Variants in ACSS3 observed in about 807,000 individuals in gnomAD.
ACSS3 encodes the protein acyl-CoA synthetase short chain family member 3.
Under a neutral mutation model 84.2 loss-of-function variants are expected in ACSS3, and 64 were observed. That is an observed-to-expected ratio of 0.76 (90% confidence interval 0.62 to 0.94). The LOEUF is 0.94. Ranked by LOEUF, ACSS3 falls within the 40% of genes least tolerant of loss-of-function variation. The probability of loss-of-function intolerance (pLI) is 0.00; values close to 1 mark genes in which losing one functional copy is unlikely to be tolerated. For missense variants in ACSS3, 815 were observed against 867.6 expected (o/e 0.94, Z 0.76); for synonymous variants, 317 against 310.1 (o/e 1.02, Z -0.23).
intron 13 of ACSS3, among the ~76,000 whole-genome samples, chr12:81,251,183 A>T (rs2034139165): frequency 6.6e-6 from 1 of 152,162 alleles, no homozygotes; most frequent in Admixed American, 6.5e-5. Context: ...AAGGACCTTG[A>T]AGACAATATA....
At position 81,258,582 on chromosome 12, in the gene ACSS3, C is replaced by T. The variant is rs906089331; in HGVS notation, c.*3660C>T. ...GATTACTCTTCTATACTTTTATACA[C>T]TATATATGTTAATCATTCTGTCTTT... On this transcript the variant is annotated 3_prime_UTR_variant, in exon 16 of 16. Coordinates refer to ENST00000548058, the MANE Select transcript of ACSS3 (RefSeq NM_024560.4). 8.5e-5 allele frequency: 13 copies of T among 152,238 alleles called. No homozygotes were observed. The highest frequency in any genetic ancestry group is 3.1e-4 in the African/African-American group (13 of 41,536). The allele number at this position is 152,238 out of a possible 1,614,324, so 9.4% of individuals were successfully genotyped here. A position where few individuals can be genotyped will look rare whatever the true frequency, so the allele number is the denominator to read the frequency against.
chr12:81,098,216 G>A (rs1882223411), intron 1 of ACSS3, among the ~76,000 whole-genome samples: 1 of 150,516 alleles, frequency 6.6e-6, no homozygotes, highest in Non-Finnish European at 1.5e-5. Flanking sequence ...GTCCTGTCTG[G>A]GGCTGGTTCC....
At chr12:81,248,256 C>A (rs2034044885) in intron 13 of ACSS3, among the ~76,000 whole-genome samples, 1 of 152,020 alleles carries the variant, frequency 6.6e-6, no homozygotes, top group South Asian at 2.1e-4. Context: ...CATTTACCCC[C>A]ATGTTTGTTG....
At chr12:81,146,277 A>G (rs917771621) in intron 5 of ACSS3, among the ~76,000 whole-genome samples, 9 of 152,148 alleles carry the variant, frequency 5.9e-5, no homozygotes, top group Non-Finnish European at 1.2e-4. Flanking sequence ...CCTTATTCAT[A>G]CAATTCTCGT....
chr12:81,219,684 A>T (rs1471628996), intron 10 of ACSS3, among the ~76,000 whole-genome samples: 2 of 152,186 alleles, frequency 1.3e-5, no homozygotes, highest in South Asian at 4.1e-4. Flanking sequence ...TACTTTTTAA[A>T]AAGCTGAACA....
At chr12:81,084,496 G>A (rs935053630) in intron 1 of ACSS3, among the ~76,000 whole-genome samples, 1 of 152,146 alleles carries the variant, frequency 6.6e-6, no homozygotes, top group African/African-American at 2.4e-5. Flanking sequence ...AATTGATGGG[G>A]CAATTAAAGT....
intron 3 of ACSS3, among the ~76,000 whole-genome samples, chr12:81,136,452 A>G (rs1885809520): frequency 6.6e-6 from 1 of 152,118 alleles, no homozygotes; most frequent in Non-Finnish European, 1.5e-5. Context: ...GCTCACAACC[A>G]TAGTTTGCAG....
chr12:81,107,978 C>G (rs914196684), intron 1 of ACSS3, among the ~76,000 whole-genome samples: 6 of 151,898 alleles, frequency 4.0e-5, no homozygotes, highest in Non-Finnish European at 8.8e-5. Flanking sequence ...TTAGCCAAAG[C>G]AAGTACATGG....
chr12:81,132,645 C>G (rs1484989550), intron 2 of ACSS3, among the ~76,000 whole-genome samples: 1 of 152,020 alleles, frequency 6.6e-6, no homozygotes, highest in Non-Finnish European at 1.5e-5. Flanking sequence ...CTGCTCTGAT[C>G]TTAGTTATTT....
intron 9 of ACSS3, among the ~76,000 whole-genome samples, chr12:81,211,655 C>CT (rs2032598862): frequency 6.6e-6 from 1 of 152,176 alleles, no homozygotes; most frequent in Non-Finnish European, 1.5e-5. Context: ...GCATTTCCTA[C>CT]TACACATCTC....
Position 81,254,994 on chromosome 12 carries a change from C to A in ACSS3, c.*72C>A. 1.5e-6 allele frequency: 2 copies of A among 1,309,444 alleles called. No homozygotes were observed. Among genetic ancestry groups the A allele is most frequent in the Non-Finnish European group, 2.1e-6 (2 of 951,940 alleles). The allele number at this position is 1,309,444 out of a possible 1,614,324, so 81.1% of individuals were successfully genotyped here. On this transcript the variant is annotated 3_prime_UTR_variant, in exon 16 of 16. Coordinates refer to ENST00000548058, the MANE Select transcript of ACSS3 (RefSeq NM_024560.4). Reference sequence around the variant, plus strand: ...AAATTAAATTATTTGAGTTGTTTCTCAGAAATAAATATTTCAGTAGAAATT... The same window carrying A: ...AAATTAAATTATTTGAGTTGTTTCTAAGAAATAAATATTTCAGTAGAAATT...
At chr12:81,166,563 A>G (rs994543623) in intron 7 of ACSS3, among the ~76,000 whole-genome samples, 9 of 152,204 alleles carry the variant, frequency 5.9e-5, no homozygotes, top group African/African-American at 1.9e-4. Context: ...AGCAAAGTGT[A>G]CTAAAGAAGG....
intron 8 of ACSS3, among the ~76,000 whole-genome samples, chr12:81,189,654 A>C (rs2135867788): frequency 6.6e-6 from 1 of 152,188 alleles, no homozygotes; most frequent in East Asian, 1.9e-4. Context: ...TTCTGACTTA[A>C]ATTTTCCTTT....
At chr12:81,140,594 G>A (rs1886046211) in intron 4 of ACSS3, among the ~76,000 whole-genome samples, 1 of 152,144 alleles carries the variant, frequency 6.6e-6, no homozygotes, top group Non-Finnish European at 1.5e-5. Flanking sequence ...GTAGTCTGTG[G>A]TTCATGAACT....
At chr12:81,154,847 G>A (rs1886784183) in intron 7 of ACSS3, among the ~76,000 whole-genome samples, 1 of 152,032 alleles carries the variant, frequency 6.6e-6, no homozygotes, top group Non-Finnish European at 1.5e-5. Context: ...AGGCTCTTTG[G>A]CTAATGTTCA....
intron 13 of ACSS3, among the ~76,000 whole-genome samples, chr12:81,247,778 T>C (rs1435188876): frequency 6.6e-6 from 1 of 152,090 alleles, no homozygotes; most frequent in Non-Finnish European, 1.5e-5. Flanking sequence ...CCTTCTGAAA[T>C]GTTTGATGAT....
At chr12:81,078,968 T>G (rs964266614) in intron 1 of ACSS3, among the ~76,000 whole-genome samples, 1 of 152,098 alleles carries the variant, frequency 6.6e-6, no homozygotes, top group Non-Finnish European at 1.5e-5. Flanking sequence ...ACTGAGACAG[T>G]GACTGCCAAT....
intron 9 of ACSS3, among the ~76,000 whole-genome samples, chr12:81,204,672 A>G (rs1000361442): frequency 3.9e-5 from 6 of 152,140 alleles, no homozygotes; most frequent in South Asian, 4.1e-4. Flanking sequence ...TAATTCAACA[A>G]AATTCAGATT....
At chr12:81,160,133 C>A (rs1887076407) in intron 7 of ACSS3, among the ~76,000 whole-genome samples, 1 of 152,194 alleles carries the variant, frequency 6.6e-6, no homozygotes, top group South Asian at 2.1e-4. Context: ...CTCCTTAAAT[C>A]CGGCTTTAGA....
Sources: allele counts gnomAD v4.1 joint callset (sites outside exome capture counted in the v4.1 genomes callset), GRCh38; gene constraint gnomAD v4.1.1; transcripts MANE v1.5; gene names NCBI Gene and HGNC (gene_info 2026-07-23, HGNC 2026-07-21).